The following ANKRD33B variants were observed in gnomAD, a reference collection of about 807,000 sequenced individuals.
ANKRD33B encodes ankyrin repeat domain 33B.
A neutral mutation model predicts 21.5 loss-of-function variants in ANKRD33B; 6 were observed. That is an observed-to-expected ratio of 0.28 (90% CI 0.15 to 0.55). The LOEUF (loss-of-function observed/expected upper bound fraction) is 0.55. ANKRD33B is among the 20% of genes least tolerant of loss of function. The pLI is 0.94. For missense variants in ANKRD33B, 698 were observed against 747.2 expected (o/e 0.93, Z 0.77); for synonymous variants, 347 against 342.4 (o/e 1.01, Z -0.15).
intron 2 of ANKRD33B, among the ~76,000 whole-genome samples, chr5:10,620,920 A>G (rs1736405908): frequency 6.6e-6 from 1 of 152,232 alleles, no homozygotes; most frequent in Non-Finnish European, 1.5e-5. Context: ...AGTTTTTGCC[A>G]TTGATAATCC....
intron 1 of ANKRD33B, among the ~76,000 whole-genome samples, chr5:10,580,513 A>G (rs62339268): frequency 8.4e-6 from 1 of 118,474 alleles, no homozygotes; most frequent in African/African-American, 3.4e-5. Flanking sequence ...CCCCAGCCCC[A>G]CCCTGCCACC....
In ANKRD33B at chr5:10,655,358, G is replaced by A. The variant is rs1737459471; in HGVS notation, c.*5245G>A. ...ATTATGATGAAACGTATCCCAGAGA[G>A]GAAATGAATGGGACCTGAAAAGTGG... On this transcript the variant is annotated 3_prime_UTR_variant, in exon 4 of 4. Transcript: ENST00000296657. The A allele has an allele frequency of 6.6e-6, 1 of 152,352 alleles. No individual in the cohort carries two copies. The highest frequency in any genetic ancestry group is 1.5e-5 in the Non-Finnish European group (1 of 68,050). 9.4% of individuals were successfully genotyped at this position (152,352 alleles called of 1,614,324 possible). A position where few individuals can be genotyped will look rare whatever the true frequency, so the allele number is the denominator to read the frequency against.
chr5:10,567,970 T>C (rs1271363892), intron 1 of ANKRD33B, among the ~76,000 whole-genome samples: 1 of 152,206 alleles, frequency 6.6e-6, no homozygotes, highest in Non-Finnish European at 1.5e-5. Context: ...TCTAAACTTT[T>C]CTGGGACATG....
chr5:10,624,471 T>TA (rs1736498613), intron 2 of ANKRD33B, among the ~76,000 whole-genome samples: 1 of 152,058 alleles, frequency 6.6e-6, no homozygotes, highest in Non-Finnish European at 1.5e-5. Flanking sequence ...TTCCCCTACT[T>TA]ACTGATTTGC....
At chr5:10,596,246 T>C (rs562215400) in intron 1 of ANKRD33B, among the ~76,000 whole-genome samples, 7 of 152,310 alleles carry the variant, frequency 4.6e-5, no homozygotes, top group African/African-American at 1.2e-4. Flanking sequence ...CCATTGTGGT[T>C]TGCTGCACAG....
chr5:10,574,484 T>C (rs1579710270), intron 1 of ANKRD33B, among the ~76,000 whole-genome samples: 1 of 152,046 alleles, frequency 6.6e-6, no homozygotes, highest in Admixed American at 6.6e-5. Context: ...TGAAAAGTAA[T>C]AAAAATATTA....
intron 3 of ANKRD33B, among the ~76,000 whole-genome samples, chr5:10,638,841 T>C (rs1289649569): frequency 6.6e-6 from 1 of 152,134 alleles, no homozygotes; most frequent in African/African-American, 2.4e-5. Flanking sequence ...CGGAGTTACA[T>C]GGTAACATTA....
intron 3 of ANKRD33B, among the ~76,000 whole-genome samples, chr5:10,648,209 A>G (rs1034976899): frequency 1.3e-5 from 2 of 152,174 alleles, no homozygotes; most frequent in African/African-American, 4.8e-5. Flanking sequence ...AAAGCCCACC[A>G]TCGGTTAAAG....
intron 2 of ANKRD33B, among the ~76,000 whole-genome samples, chr5:10,629,772 G>A (rs1426044562): frequency 6.6e-6 from 1 of 152,190 alleles, no homozygotes; most frequent in Non-Finnish European, 1.5e-5. Flanking sequence ...AGCTCAGAAT[G>A]TTGAGAGGGC....
chr5:10,570,203 C>T (rs546757091), intron 1 of ANKRD33B, among the ~76,000 whole-genome samples: 18 of 152,266 alleles, frequency 1.2e-4, no homozygotes, highest in Non-Finnish European at 2.4e-4. Context: ...ATAAGAATGT[C>T]AGTCATCTGT....
At chr5:10,623,782 G>A (rs1247663665) in intron 2 of ANKRD33B, among the ~76,000 whole-genome samples, 1 of 152,218 alleles carries the variant, frequency 6.6e-6, no homozygotes, top group East Asian at 1.9e-4. Flanking sequence ...TATCCTGAGG[G>A]CAGCATCACA....
intron 1 of ANKRD33B, among the ~76,000 whole-genome samples, chr5:10,565,790 G>C (rs1462553960): frequency 6.6e-6 from 1 of 152,254 alleles, no homozygotes; most frequent in African/African-American, 2.4e-5. Flanking sequence ...GTGGGCAAAT[G>C]GCAGCGTTCT....
chr5:10,572,255 G>A (rs1158198602), intron 1 of ANKRD33B, among the ~76,000 whole-genome samples: 1 of 152,132 alleles, frequency 6.6e-6, no homozygotes, highest in Non-Finnish European at 1.5e-5. Flanking sequence ...ACAATCACTG[G>A]TGCAGACTCT....
chr5:10,653,142 C>T lies in ANKRD33B; in HGVS notation c.*3029C>T, dbSNP rs1737398630. ...ACTCTCCCCAGTCCCTCTCTCTGGACTCATTCTAGCTGTGGCCTGCCTGTG... is the reference window on the plus strand; with the variant it reads ...ACTCTCCCCAGTCCCTCTCTCTGGATTCATTCTAGCTGTGGCCTGCCTGTG... On this transcript the variant is annotated 3_prime_UTR_variant, in exon 4 of 4. Transcript: ENST00000296657. The T allele has an allele frequency of 6.4e-6, 1 of 155,752 alleles. No individual in the cohort carries two copies. Among genetic ancestry groups the T allele is most frequent in the Non-Finnish European group, 1.4e-5 (1 of 70,150 alleles). The allele number at this position is 155,752 out of a possible 1,614,324, so 9.6% of individuals were successfully genotyped here.
At chr5:10,598,649 A>G (rs1579725203) in intron 1 of ANKRD33B, among the ~76,000 whole-genome samples, 2 of 152,262 alleles carry the variant, frequency 1.3e-5, no homozygotes, top group East Asian at 3.9e-4. Flanking sequence ...TATGTTGCAC[A>G]GACTGGTCTT....
rs928462033 is a variant in ANKRD33B, at chr5:10,606,041, A to T, written c.367-12292A>T. On this transcript the variant is annotated intron_variant, in intron 1 of 3. Transcript: ENST00000296657. ...TCTTTCATCACATAATGCTTGTATG[A>T]TCACTGCGTGGAAACCACTCCCAGT... 3.9e-5 allele frequency among the ~76,000 whole-genome samples: 6 copies of T among 152,332 alleles called. No individual in the cohort carries two copies. The South Asian group carries it at 1.2e-3, about 32-fold the overall frequency.
chr5:10,581,490 C>G (rs16884945), intron 1 of ANKRD33B, among the ~76,000 whole-genome samples: 15,916 of 152,228 alleles, frequency 0.1, 1,317 homozygotes, highest in African/African-American at 0.22. Flanking sequence ...CTTTACACTG[C>G]TCATTTTTGG....
intron 1 of ANKRD33B, among the ~76,000 whole-genome samples, chr5:10,585,335 T>C (rs1266315425): frequency 2.6e-5 from 4 of 152,232 alleles, no homozygotes; most frequent in Non-Finnish European, 5.9e-5. Context: ...CCTGGATGCC[T>C]ACAGAGCTGG....
intron 1 of ANKRD33B, among the ~76,000 whole-genome samples, chr5:10,616,796 G>C (rs1579737086): frequency 6.6e-6 from 1 of 152,200 alleles, no homozygotes; most frequent in African/African-American, 2.4e-5. Flanking sequence ...CCTTTGTTAC[G>C]AGGTCTCTTC....
Sources: allele counts gnomAD v4.1 joint callset (sites outside exome capture counted in the v4.1 genomes callset), GRCh38; gene constraint gnomAD v4.1.1; transcripts MANE v1.5; gene names NCBI Gene and HGNC (gene_info 2026-07-23, HGNC 2026-07-21).